PTGER4: variants seen among roughly 807,000 people sequenced by gnomAD.
PTGER4 encodes prostaglandin E2 receptor EP4 subtype.
A neutral mutation model predicts 33.2 loss-of-function variants in PTGER4; 11 were observed. The observed-to-expected ratio is 0.33, with a 90% CI of 0.21 to 0.55. The LOEUF (loss-of-function observed/expected upper bound fraction) is 0.55. Ranked by LOEUF, PTGER4 falls within the 20% of genes least tolerant of loss-of-function variation. The pLI is 0.92. For missense variants in PTGER4, 481 were observed against 650.2 expected (o/e 0.74, Z 2.83); for synonymous variants, 275 against 281.5 (o/e 0.98, Z 0.23).
At chr5:40,742,815 A>G in the PTGER4 span, among the ~76,000 whole-genome samples, 24 of 152,370 alleles carry the variant, frequency 1.6e-4, no homozygotes, top group African/African-American at 5.8e-4. Context: ...AATAAAATAC[A>G]TTCTCAGAAT....
the PTGER4 span, among the ~76,000 whole-genome samples, chr5:40,709,631 G>T: frequency 6.6e-6 from 1 of 152,150 alleles, no homozygotes; most frequent in Non-Finnish European, 1.5e-5. Flanking sequence ...TAGATCCAAT[G>T]CCATCCCCAT....
the PTGER4 span, among the ~76,000 whole-genome samples, chr5:40,710,203 C>A: frequency 6.6e-6 from 1 of 152,108 alleles, no homozygotes; most frequent in Non-Finnish European, 1.5e-5. Flanking sequence ...TATCTAGAAT[C>A]TACAAAGAAC....
chr5:40,691,697 TA>T lies in PTGER4; in HGVS notation c.868-81del. The T allele has an allele frequency of 6.7e-7, 1 of 1,498,730 alleles. No homozygotes were observed. Among genetic ancestry groups the T allele is most frequent in the South Asian group, 1.3e-5 (1 of 74,324 alleles). The allele number at this position is 1,498,730 out of a possible 1,614,324, so 92.8% of individuals were successfully genotyped here. ...ACCAGAAATGAAGGCAGCTTCCTAA[TA>T]TTGATAAGGTAGACATAGCATTTAT... On this transcript the variant is annotated intron_variant, in intron 2 of 2. Coordinates refer to ENST00000302472, the MANE Select transcript of PTGER4 (RefSeq NM_000958.3). The surrounding 1 kb of genome is among the most constrained non-coding windows in gnomAD (Gnocchi z 4.2).
At chr5:40,722,395 C>T in the PTGER4 span, among the ~76,000 whole-genome samples, 11 of 151,896 alleles carry the variant, frequency 7.2e-5, no homozygotes, top group East Asian at 2.0e-3. Context: ...AGCCCCTCTG[C>T]CCGGCCGCCC....
the PTGER4 span, among the ~76,000 whole-genome samples, chr5:40,712,196 T>G: frequency 6.6e-6 from 1 of 152,258 alleles, no homozygotes; most frequent in East Asian, 1.9e-4. Flanking sequence ...AGCAGACCTT[T>G]TAAATATCCT....
At chr5:40,742,147 T>G in the PTGER4 span, among the ~76,000 whole-genome samples, 3 of 152,072 alleles carry the variant, frequency 2.0e-5, no homozygotes, top group Non-Finnish European at 4.4e-5. Flanking sequence ...TTTGGGGCCA[T>G]CCAGGTCTAG....
In PTGER4 at chr5:40,683,281, G is replaced by T. The variant is rs1386963506; in HGVS notation, c.867+1421G>T. ...TGTAAATGGAAGGAACTTAGAGGGG[G>T]CTCAGAGCCAGAATACAGTAGGTTC... On this transcript the variant is annotated intron_variant, in intron 2 of 2. Transcript: ENST00000302472. The surrounding 1 kb of genome is among the most constrained non-coding windows in gnomAD (Gnocchi z 4.2). 6.6e-6 allele frequency among the ~76,000 whole-genome samples: 1 copy of T among 152,144 alleles called. No individual in the cohort carries two copies. Among genetic ancestry groups the T allele is most frequent in the African/African-American group, 2.4e-5 (1 of 41,424 alleles).
chr5:40,697,111 A>C (rs1271457291), downstream of PTGER4, among the ~76,000 whole-genome samples: 1 of 99,966 alleles, frequency 1.0e-5, no homozygotes, highest in Non-Finnish European at 2.0e-5. Context: ...GAAAGAAAGG[A>C]AAGAAAAAAG....
downstream of PTGER4, among the ~76,000 whole-genome samples, chr5:40,698,110 A>AAAAAAAC (rs1342997192): frequency 6.9e-6 from 1 of 145,980 alleles, no homozygotes; most frequent in African/African-American, 2.5e-5. Flanking sequence ...AAAAAAAAAA[A>AAAAAAAC]AAAAAAAAAC....
At chr5:40,698,108 A>AAAAAAAC (rs1341977134), downstream of PTGER4, among the ~76,000 whole-genome samples, 30 of 145,418 alleles carry the variant, frequency 2.1e-4, 1 homozygote, top group Non-Finnish European at 3.6e-4. Context: ...AAAAAAAAAA[A>AAAAAAAC]AAAAAAAAAA....
At chr5:40,735,600 A>C in the PTGER4 span, among the ~76,000 whole-genome samples, 1 of 152,218 alleles carries the variant, frequency 6.6e-6, no homozygotes, top group Non-Finnish European at 1.5e-5. Flanking sequence ...AAAGAAGAAT[A>C]AATACAAGGT....
the PTGER4 span, among the ~76,000 whole-genome samples, chr5:40,726,362 T>C: frequency 2.0e-5 from 3 of 151,896 alleles, no homozygotes; most frequent in Non-Finnish European, 4.4e-5. Flanking sequence ...ATGGTTTTAG[T>C]CCATATGTAT....
In PTGER4 at chr5:40,691,251, A is replaced by T. The variant is rs1336808664; in HGVS notation, c.868-528A>T. 6.6e-6 allele frequency among the ~76,000 whole-genome samples: 1 copy of T among 152,180 alleles called. No homozygotes were observed. Among genetic ancestry groups the T allele is most frequent in the East Asian group, 1.9e-4 (1 of 5,186 alleles). On this transcript the variant is annotated intron_variant, in intron 2 of 2. Transcript: ENST00000302472. This position sits in a 1 kb window ranked among gnomAD's most constrained non-coding sequence, Gnocchi z 4.2. ...GGCTGGAGTGCAGTGGTGGGATCTC[A>T]GCTCACTGCAACCTCCGCCTCCCAG...
chr5:40,738,005 CT>C, the PTGER4 span, among the ~76,000 whole-genome samples: 41 of 152,176 alleles, frequency 2.7e-4, no homozygotes, highest in Admixed American at 2.0e-3. Flanking sequence ...ATTAATAAAG[CT>C]GCTAGAGACA....
downstream of PTGER4, among the ~76,000 whole-genome samples, chr5:40,698,092 C>CAAAAAAAAAAAAAAAAAAAAA (rs1156254550): frequency 1.5e-4 from 6 of 40,058 alleles, no homozygotes; most frequent in Admixed American, 9.5e-4. Flanking sequence ...CCTGTCTCTA[C>CAAAAAAAAAAAAAAAAAAAAA]AAAAAAAAAA....
At chr5:40,714,739 G>A in the PTGER4 span, 2 of 152,198 alleles carry the variant, frequency 1.3e-5, no homozygotes, top group Non-Finnish European at 2.9e-5. Context: ...ACCCTGAAAA[G>A]AGATATGCAT....
the PTGER4 span, among the ~76,000 whole-genome samples, chr5:40,745,320 C>T: frequency 1.3e-5 from 2 of 151,940 alleles, no homozygotes; most frequent in Non-Finnish European, 2.9e-5. Context: ...AGATAATATC[C>T]TTATTCTTAG....
the PTGER4 span, among the ~76,000 whole-genome samples, chr5:40,707,483 A>C: frequency 2.0e-5 from 3 of 152,272 alleles, no homozygotes; most frequent in African/African-American, 7.2e-5. Flanking sequence ...AGAGCTAACT[A>C]TCCTAAATAT....
the PTGER4 span, among the ~76,000 whole-genome samples, chr5:40,699,469 A>G: frequency 1.3e-5 from 2 of 152,198 alleles, no homozygotes; most frequent in African/African-American, 4.8e-5. Context: ...AACTATATTG[A>G]AAAGAGTAAG....
Sources: allele counts gnomAD v4.1 joint callset (sites outside exome capture counted in the v4.1 genomes callset), GRCh38; gene constraint gnomAD v4.1.1; non-coding constraint Gnocchi (gnomAD v3.1); transcripts MANE v1.5; gene names NCBI Gene and HGNC (gene_info 2026-07-23, HGNC 2026-07-21).